The following KAT6B variants were observed in gnomAD, a reference collection of about 807,000 sequenced individuals.
KAT6B encodes the protein histone acetyltransferase KAT6B.
KAT6B carries 10 observed loss-of-function variants against 187.5 expected under a neutral mutation model. The ratio of observed to expected loss-of-function variants is 0.05; its 90% CI spans 0.03 to 0.09. The LOEUF is 0.09. Ranked by LOEUF, KAT6B falls within the 10% of genes least tolerant of loss-of-function variation. KAT6B has a pLI of 1.00. For synonymous variants in KAT6B, 861 were observed against 926.8 expected, an observed-to-expected ratio of 0.93 and a Z score of 1.29; for missense variants, 1,952 against 2,558.9, an observed-to-expected ratio of 0.76 and a Z score of 5.12.
At position 74,963,557 on chromosome 10, in the gene KAT6B, C is replaced by G. The variant is rs930133775; in HGVS notation, c.730+3479C>G. 2.0e-5 allele frequency among the ~76,000 whole-genome samples: 3 copies of G among 152,150 alleles called. No homozygotes were observed. In the East Asian group the frequency reaches 5.8e-4, roughly 29 times the overall value. ...GAGCAAGAGCCGTGGAGTAGAATATCAGTGCACCCTCGGGAGACCTGAAGT... is the reference window on the plus strand; with the variant it reads ...GAGCAAGAGCCGTGGAGTAGAATATGAGTGCACCCTCGGGAGACCTGAAGT... On this transcript the variant is annotated intron_variant, in intron 4 of 17. Coordinates refer to ENST00000287239, the MANE Select transcript of KAT6B (RefSeq NM_012330.4).
rs771717168 is a variant in KAT6B, at chr10:74,975,487, C to T, written c.1150C>T (p.Pro384Ser). Residue 384 changes from proline to serine, a missense_variant, in exon 8 of 18, where the codon CCT becomes TCT. Physicochemically the swap from Pro to Ser is moderately conservative, Grantham distance 74 (BLOSUM62 -1). Transcript: ENST00000287239. ...TCAAAAGACTAAAGTCTGTACCACA[C>T]CTTCATCTGGTCATGCTGCATCTGG... The part of the protein sequence containing the change: ...RGQKTKVCTT[P>S]SSGHAASGKD... The T allele has an allele frequency of 3.1e-6, 5 of 1,614,136 alleles. No individual in the cohort carries two copies. Among genetic ancestry groups the T allele is most frequent in the Non-Finnish European group, 4.2e-6 (5 of 1,180,018 alleles).
At chr10:74,921,715 G>C (rs1564565471) in intron 3 of KAT6B, among the ~76,000 whole-genome samples, 1 of 152,146 alleles carries the variant, frequency 6.6e-6, no homozygotes, top group Non-Finnish European at 1.5e-5. Context: ...GCTTACTATT[G>C]GTTTTTGTGT....
chr10:74,868,673 A>G (rs1268683698), intron 3 of KAT6B, among the ~76,000 whole-genome samples: 1 of 152,202 alleles, frequency 6.6e-6, no homozygotes, highest in Non-Finnish European at 1.5e-5. Flanking sequence ...TTCAGAGCTC[A>G]CTGTTTCATT....
rs771184885 is a variant in KAT6B at position 75,025,060 on chromosome 10, C to T, written c.3475C>T (p.Pro1159Ser). The change falls in exon 17 of 18, where the codon CCC (proline) becomes TCC (serine). Residue 1159 changes from proline to serine, a missense_variant. Coordinates refer to ENST00000287239, the MANE Select transcript of KAT6B (RefSeq NM_012330.4). ...AGAGACGACAGAAGTACTGAATGAG[C>T]CCTTTGACAACTCAGATGAAGAGAG... The part of the protein sequence containing the change: ...ISETTEVLNE[P>S]FDNSDEERPM... 6.2e-7 allele frequency: 1 copy of T among 1,614,144 alleles called. No homozygotes were observed. The highest frequency in any genetic ancestry group is 1.1e-5 in the South Asian group (1 of 91,064).
intron 13 of KAT6B, among the ~76,000 whole-genome samples, chr10:75,018,189 A>G (rs1476690777): frequency 6.6e-6 from 1 of 152,012 alleles, no homozygotes; most frequent in East Asian, 1.9e-4. Flanking sequence ...GGTGTTGGCC[A>G]CTCCCTGCTT....
At chr10:74,964,236 G>T (rs760777189) in intron 4 of KAT6B, among the ~76,000 whole-genome samples, 12 of 152,194 alleles carry the variant, frequency 7.9e-5, no homozygotes, top group Non-Finnish European at 1.6e-4. Flanking sequence ...CATCCAAAGA[G>T]ATGTAACTTC....
Position 75,031,419 on chromosome 10 carries a change from T to C in KAT6B, c.*373T>C, listed in dbSNP as rs570276817. On this transcript the variant is annotated 3_prime_UTR_variant, in exon 18 of 18. Transcript: ENST00000287239. ...AATATTGAACCTAGAGCTTTTTTTT[T>C]CCCTTCCCTGTCCACTCCATGTAAA... The C allele has an allele frequency of 7.8e-5, 29 of 370,704 alleles. No homozygotes were observed. Among genetic ancestry groups the C allele is most frequent in the South Asian group, 6.9e-4 (20 of 29,084 alleles). The allele number at this position is 370,704 out of a possible 1,614,324, so 23.0% of individuals were successfully genotyped here. A position where few individuals can be genotyped will look rare whatever the true frequency, so the allele number is the denominator to read the frequency against.
intron 13 of KAT6B, among the ~76,000 whole-genome samples, chr10:75,011,750 A>T (rs753262584): frequency 2.6e-5 from 4 of 152,116 alleles, no homozygotes; most frequent in Non-Finnish European, 5.9e-5. Flanking sequence ...TAGACCAGGA[A>T]CTCGGTTGTG....
Position 74,925,772 on chromosome 10 carries a change from A to G in KAT6B, c.622-34198A>G, listed in dbSNP as rs1052323662. Among the ~76,000 whole-genome samples, 6 of 152,214 alleles carry G rather than the reference A, an allele frequency of 3.9e-5. No individual in the cohort carries two copies. In the East Asian group the frequency reaches 1.2e-3, roughly 29 times the overall value. On this transcript the variant is annotated intron_variant, in intron 3 of 17. Transcript: ENST00000287239. ...ATCACTATTGTTTGGGCATCATTCCATTCTGCTAGACTGGGAATTCTTTTA... is the reference window on the plus strand; with the variant it reads ...ATCACTATTGTTTGGGCATCATTCCGTTCTGCTAGACTGGGAATTCTTTTA...
At chr10:74,883,198 A>G (rs1380436663) in intron 3 of KAT6B, among the ~76,000 whole-genome samples, 1 of 152,148 alleles carries the variant, frequency 6.6e-6, no homozygotes, top group African/African-American at 2.4e-5. Flanking sequence ...TTACCACTTA[A>G]CGTTTTTCAG....
chr10:74,895,811 G>A (rs1845948549), intron 3 of KAT6B, among the ~76,000 whole-genome samples: 1 of 152,082 alleles, frequency 6.6e-6, no homozygotes, highest in Non-Finnish European at 1.5e-5. Flanking sequence ...ACCATGCCTG[G>A]CCCTTAATCT....
chr10:74,967,329 CAAA>C (rs143829532), intron 4 of KAT6B, among the ~76,000 whole-genome samples: 21 of 113,444 alleles, frequency 1.9e-4, no homozygotes, highest in Middle Eastern at 5.2e-3. Context: ...GACTCCGTCT[CAAA>C]AAAAAAAAAA....
chr10:74,962,404 A>C (rs1258712528), intron 4 of KAT6B, among the ~76,000 whole-genome samples: 1 of 152,170 alleles, frequency 6.6e-6, no homozygotes, highest in Admixed American at 6.5e-5. Context: ...GTCACAGTTC[A>C]GCATTTCAAG....
intron 2 of KAT6B, among the ~76,000 whole-genome samples, chr10:74,840,744 A>T (rs1841686000): frequency 6.6e-6 from 1 of 152,170 alleles, no homozygotes; most frequent in African/African-American, 2.4e-5. Flanking sequence ...TTTACAGCTT[A>T]CTGATCACAG....
intron 3 of KAT6B, among the ~76,000 whole-genome samples, chr10:74,940,182 A>G (rs577114456): frequency 6.6e-6 from 1 of 152,236 alleles, no homozygotes; most frequent in South Asian, 2.1e-4. Context: ...TTTTAAGAAA[A>G]CCATGTGTAT....
At chr10:74,967,745 C>G (rs1841578412) in intron 4 of KAT6B, among the ~76,000 whole-genome samples, 1 of 152,066 alleles carries the variant, frequency 6.6e-6, no homozygotes, top group Non-Finnish European at 1.5e-5. Context: ...ATTCCTTGCC[C>G]CTGATTGAAA....
chr10:74,949,348 A>G (rs985631971), intron 3 of KAT6B, among the ~76,000 whole-genome samples: 7 of 152,138 alleles, frequency 4.6e-5, no homozygotes, highest in African/African-American at 1.7e-4. Context: ...GGGGCAAGCA[A>G]TTGTTTCATG....
chr10:74,956,145 C>CT (rs1421110190), intron 3 of KAT6B, among the ~76,000 whole-genome samples: 1 of 152,088 alleles, frequency 6.6e-6, no homozygotes, highest in Non-Finnish European at 1.5e-5. Flanking sequence ...TGGTCCTGCC[C>CT]TTTTTTGGGT....
intron 3 of KAT6B, among the ~76,000 whole-genome samples, chr10:74,940,340 A>G (rs1849577344): frequency 6.9e-6 from 1 of 145,554 alleles, no homozygotes; most frequent in Non-Finnish European, 1.5e-5. Context: ...CAGTGGTGCC[A>G]TCTCAGCTCA....
Sources: allele counts gnomAD v4.1 joint callset (sites outside exome capture counted in the v4.1 genomes callset), GRCh38; gene constraint gnomAD v4.1.1; transcripts MANE v1.5; gene names NCBI Gene and HGNC (gene_info 2026-07-23, HGNC 2026-07-21).